MSI2: variants seen among roughly 807,000 people sequenced by gnomAD.
The protein encoded by MSI2 is RNA-binding protein Musashi homolog 2.
MSI2 carries 17 observed loss-of-function variants against 45.6 expected under a neutral mutation model. The ratio of observed to expected loss-of-function variants is 0.37; its 90% confidence interval spans 0.26 to 0.56. The LOEUF is 0.56. Among genes scored for constraint, MSI2 ranks in the 20% least tolerant of loss-of-function variants. The probability of loss-of-function intolerance (pLI) is 0.77; values close to 1 mark genes in which losing one functional copy is unlikely to be tolerated. For synonymous variants in MSI2, 156 were observed against 158.2 expected, an observed-to-expected ratio of 0.99 and a Z score of 0.11; for missense variants, 293 against 444.2, an observed-to-expected ratio of 0.66 and a Z score of 3.06.
At chr17:57,376,618 C>T (rs1327973680) in intron 5 of MSI2, among the ~76,000 whole-genome samples, 1 of 152,196 alleles carries the variant, frequency 6.6e-6, no homozygotes, top group African/African-American at 2.4e-5. Flanking sequence ...TAAAGGTAGA[C>T]AGCAGAAATA....
chr17:57,503,491 T>C (rs1047710264), intron 6 of MSI2, among the ~76,000 whole-genome samples: 9 of 152,200 alleles, frequency 5.9e-5, no homozygotes, highest in Admixed American at 5.9e-4. Context: ...AATAAGAGGT[T>C]TTGCAGGCCC....
Position 57,587,915 on chromosome 17 carries a change from C to T in MSI2, c.455-8953C>T, listed in dbSNP as rs148579843. Among the ~76,000 whole-genome samples, 390 of 152,264 alleles carry T rather than the reference C, an allele frequency of 2.6e-3. 1 individual carries two copies. Among genetic ancestry groups the T allele is most frequent in the African/African-American group, 8.9e-3 (371 of 41,534 alleles). ...TCTGGCGTGTCTGGTCACATTCCTT[C>T]ATTTTCTGGAAAGGCATTTTATTAT... On this transcript the variant is annotated intron_variant, in intron 7 of 13. Transcript: ENST00000284073.
At chr17:57,463,152 A>G (rs1385118335) in intron 6 of MSI2, among the ~76,000 whole-genome samples, 1 of 152,140 alleles carries the variant, frequency 6.6e-6, no homozygotes, top group Non-Finnish European at 1.5e-5. Flanking sequence ...CCCTTCTGCT[A>G]GGACCCCGGC....
chr17:57,551,790 G>A (rs985586602), intron 7 of MSI2, among the ~76,000 whole-genome samples: 16 of 152,176 alleles, frequency 1.1e-4, no homozygotes, highest in Non-Finnish European at 2.2e-4. Context: ...AAAAGATCAC[G>A]GGCGTGAAAG....
In MSI2 at chr17:57,679,808, T is replaced by C. The variant is rs1223887884; in HGVS notation, c.*291T>C. 1 of 235,688 alleles carries C rather than the reference T, an allele frequency of 4.2e-6. No homozygotes were observed. Among genetic ancestry groups the C allele is most frequent in the Non-Finnish European group, 8.3e-6 (1 of 120,474 alleles). 14.6% of individuals were successfully genotyped at this position (235,688 alleles called of 1,614,324 possible). On this transcript the variant is annotated 3_prime_UTR_variant, in exon 14 of 14. Transcript: ENST00000284073. ...TCTTGATGGTTTCCCTCTCCCTCCCTCTCTTCCCATTCTCCTTTTAAATCT... is the reference window on the plus strand; with the variant it reads ...TCTTGATGGTTTCCCTCTCCCTCCCCCTCTTCCCATTCTCCTTTTAAATCT...
At chr17:57,487,819 G>A (rs1485462586) in intron 6 of MSI2, among the ~76,000 whole-genome samples, 1 of 151,476 alleles carries the variant, frequency 6.6e-6, no homozygotes, top group Admixed American at 6.6e-5. Flanking sequence ...TCAGCCAACA[G>A]ACATCTGCAC....
chr17:57,404,630 C>T (rs1045559650), intron 6 of MSI2, among the ~76,000 whole-genome samples: 4 of 152,058 alleles, frequency 2.6e-5, no homozygotes, highest in Admixed American at 1.3e-4. Flanking sequence ...GTCTCCTTGC[C>T]GTCATTCCTC....
intron 6 of MSI2, chr17:57,522,161 G>A (rs1382688286): frequency 6.6e-6 from 1 of 152,224 alleles, no homozygotes; most frequent in African/African-American, 2.4e-5. Flanking sequence ...TGCCACCTCA[G>A]CCGAGTCTCA....
intron 7 of MSI2, among the ~76,000 whole-genome samples, chr17:57,562,255 T>C (rs779257661): frequency 6.6e-6 from 1 of 152,248 alleles, no homozygotes; most frequent in Non-Finnish European, 1.5e-5. Flanking sequence ...TGCTGTGGCA[T>C]CTCAAGATGT....
chr17:57,433,155 C>G (rs1567820385), intron 6 of MSI2, among the ~76,000 whole-genome samples: 1 of 152,184 alleles, frequency 6.6e-6, no homozygotes, highest in Non-Finnish European at 1.5e-5. Context: ...AAGGGAGGCT[C>G]AGACACTGCA....
At chr17:57,604,375 C>A (rs569380085) in intron 8 of MSI2, among the ~76,000 whole-genome samples, 1 of 152,220 alleles carries the variant, frequency 6.6e-6, no homozygotes, top group Admixed American at 6.5e-5. Flanking sequence ...GTAAGGAGGT[C>A]CTCAGCAGAT....
chr17:57,505,614 A>G (rs1436938705), intron 6 of MSI2, among the ~76,000 whole-genome samples: 1 of 152,178 alleles, frequency 6.6e-6, no homozygotes, highest in Non-Finnish European at 1.5e-5. Context: ...AATGTGTACA[A>G]CTTGGTAGGC....
intron 9 of MSI2, among the ~76,000 whole-genome samples, chr17:57,617,786 T>G (rs1907864838): frequency 6.6e-6 from 1 of 151,848 alleles, no homozygotes; most frequent in Non-Finnish European, 1.5e-5. Context: ...ATAATAAACA[T>G]TAGGCTGGGC....
intron 5 of MSI2, among the ~76,000 whole-genome samples, chr17:57,339,333 A>G (rs2143777680): frequency 6.6e-6 from 1 of 152,278 alleles, no homozygotes; most frequent in Non-Finnish European, 1.5e-5. Context: ...TCGGTTTCCA[A>G]GTGTTTCATT....
intron 6 of MSI2, among the ~76,000 whole-genome samples, chr17:57,408,516 T>C (rs1485860474): frequency 6.6e-6 from 1 of 152,090 alleles, no homozygotes; most frequent in Non-Finnish European, 1.5e-5. Context: ...ATTTACTTTT[T>C]CTGCTGCGGC....
At chr17:57,439,016 G>T (rs1598271158) in intron 6 of MSI2, among the ~76,000 whole-genome samples, 1 of 152,218 alleles carries the variant, frequency 6.6e-6, no homozygotes, top group Non-Finnish European at 1.5e-5. Flanking sequence ...TGGCCAGGCT[G>T]GTCTCAAACT....
At chr17:57,526,338 A>G (rs1489878930) in intron 6 of MSI2, among the ~76,000 whole-genome samples, 1 of 148,834 alleles carries the variant, frequency 6.7e-6, no homozygotes, top group African/African-American at 2.5e-5. Context: ...GAGTCTTCAT[A>G]GCCCCCTGAT....
chr17:57,359,517 G>C (rs993055297), intron 5 of MSI2, among the ~76,000 whole-genome samples: 1 of 152,148 alleles, frequency 6.6e-6, no homozygotes, highest in Non-Finnish European at 1.5e-5. Context: ...CTGCCTCCCT[G>C]CCAAGGTTGT....
intron 6 of MSI2, among the ~76,000 whole-genome samples, chr17:57,499,762 G>A (rs1270337529): frequency 1.3e-5 from 2 of 152,176 alleles, no homozygotes; most frequent in East Asian, 3.8e-4. Context: ...GCTGCCACTG[G>A]CACAACAGGG....
Sources: allele counts gnomAD v4.1 joint callset (sites outside exome capture counted in the v4.1 genomes callset), GRCh38; gene constraint gnomAD v4.1.1; transcripts MANE v1.5; gene names NCBI Gene and HGNC (gene_info 2026-07-23, HGNC 2026-07-21).